Variants in NUDT21 observed in about 807,000 individuals in gnomAD.
NUDT21 encodes the protein cleavage and polyadenylation specificity factor subunit 5.
A neutral mutation model predicts 29.8 loss-of-function variants in NUDT21; 5 were observed. The observed-to-expected ratio is 0.17, with a 90% CI of 0.09 to 0.35. The LOEUF (loss-of-function observed/expected upper bound fraction) is 0.35. Among genes scored for constraint, NUDT21 ranks in the 10% least tolerant of loss-of-function variants. NUDT21 has a pLI of 1.00. For synonymous variants in NUDT21, 113 were observed against 98.5 expected, an observed-to-expected ratio of 1.15 and a Z score of -0.87; for missense variants, 76 against 276.0, an observed-to-expected ratio of 0.28 and a Z score of 5.13.
rs555757507 is a variant in NUDT21, at chr16:56,436,160, A to G, written c.472-1331T>C. On this transcript the variant is annotated intron_variant, in intron 4 of 6. Transcript: ENST00000300291. ...ACAATTCTTGTATAAATCTCTCCAC[A>G]ATACATTCAGAAATCTACTTTTGCT... 2.6e-5 allele frequency among the ~76,000 whole-genome samples: 4 copies of G among 152,086 alleles called. No homozygotes were observed. The South Asian group carries it at 8.3e-4, about 32-fold the overall frequency.
intron 4 of NUDT21, 29 bp downstream of exon 4, chr16:56,439,628 A>G (rs1962139348): frequency 7.0e-7 from 1 of 1,426,942 alleles, no homozygotes; most frequent in Non-Finnish European, 9.9e-7. Flanking sequence ...TGCTTCCAAA[A>G]TGCCCAGCAA....
chr16:56,433,370 G>C (rs1453878349), intron 6 of NUDT21, among the ~76,000 whole-genome samples: 1 of 152,172 alleles, frequency 6.6e-6, no homozygotes, highest in Non-Finnish European at 1.5e-5. Flanking sequence ...CAGTCAAATA[G>C]GTATAATAGT....
At chr16:56,441,476 A>T (rs1202324589) in intron 3 of NUDT21, among the ~76,000 whole-genome samples, 3 of 150,864 alleles carry the variant, frequency 2.0e-5, no homozygotes, top group Non-Finnish European at 4.4e-5. Flanking sequence ...CTTGTGATCC[A>T]CCTGCCTCGG....
chr16:56,432,800 A>T, intron 6 of NUDT21, 67 bp from the exon 7 acceptor site: 4 of 1,178,546 alleles, frequency 3.4e-6, no homozygotes, highest in Non-Finnish European at 4.9e-6. Context: ...TTAGATAAAT[A>T]AATTTATCTG....
At position 56,446,708 on chromosome 16, in the gene NUDT21, T is replaced by C. The variant is rs750348763; in HGVS notation, c.318-19A>G. The C allele has an allele frequency of 1.3e-6, 2 of 1,505,096 alleles. No homozygotes were observed. The highest frequency in any genetic ancestry group is 9.1e-7 in the Non-Finnish European group (1 of 1,099,070). 93.2% of individuals were successfully genotyped at this position (1,505,096 alleles called of 1,614,324 possible). On this transcript the variant is annotated intron_variant, in intron 2 of 6. Transcript: ENST00000300291. Reference sequence around the variant, plus strand: ...ACCAGGTCTGTATAAAAGTTAAGAATTTCAGCTTTCAACTTAATACAATTT... The same window carrying C: ...ACCAGGTCTGTATAAAAGTTAAGAACTTCAGCTTTCAACTTAATACAATTT...
rs749467694 is a variant in NUDT21 at position 56,430,526 on chromosome 16, A to G, written c.*2186T>C. 5 of 152,242 alleles carry G rather than the reference A, an allele frequency of 3.3e-5. No homozygotes were observed. Among genetic ancestry groups the G allele is most frequent in the Non-Finnish European group, 5.9e-5 (4 of 68,042 alleles). 9.4% of individuals were successfully genotyped at this position (152,242 alleles called of 1,614,324 possible). A position where few individuals can be genotyped will look rare whatever the true frequency, so the allele number is the denominator to read the frequency against. On this transcript the variant is annotated 3_prime_UTR_variant, in exon 7 of 7. Transcript: ENST00000300291. ...TTAATCAAGAGCCCATTTCAAAATG[A>G]TAAGAGCATTTAGTATGTAGATCTG...
intron 1 of NUDT21, among the ~76,000 whole-genome samples, chr16:56,450,236 G>A (rs1962272793): frequency 6.6e-6 from 1 of 152,138 alleles, no homozygotes; most frequent in African/African-American, 2.4e-5. Flanking sequence ...CCTCAGAAAC[G>A]ATTTTAAAAA....
intron 4 of NUDT21, among the ~76,000 whole-genome samples, chr16:56,435,743 T>TTATATATATATATGTA (rs1962092155): frequency 7.4e-5 from 2 of 27,070 alleles, no homozygotes; most frequent in African/African-American, 2.8e-4. Flanking sequence ...AAAAAAAAAA[T>TTATATATATATATGTA]TATATATATA....
In NUDT21 at chr16:56,431,811, A is replaced by G. The variant is rs1962037874; in HGVS notation, c.*901T>C. On this transcript the variant is annotated 3_prime_UTR_variant, in exon 7 of 7. Coordinates refer to ENST00000300291, the MANE Select transcript of NUDT21 (RefSeq NM_007006.3). Reference sequence around the variant, plus strand: ...TGCCCCCAGTTTTCGGTTGATTCACATTATTCCAAAAATATTTTTGAAGGC... The same window carrying G: ...TGCCCCCAGTTTTCGGTTGATTCACGTTATTCCAAAAATATTTTTGAAGGC... 1 of 152,174 alleles carries G rather than the reference A, an allele frequency of 6.6e-6. No individual in the cohort carries two copies. Among genetic ancestry groups the G allele is most frequent in the Non-Finnish European group, 1.5e-5 (1 of 68,020 alleles). The allele number at this position is 152,174 out of a possible 1,614,324, so 9.4% of individuals were successfully genotyped here.
chr16:56,440,907 T>A (rs1962152730), intron 3 of NUDT21, among the ~76,000 whole-genome samples: 1 of 150,992 alleles, frequency 6.6e-6, no homozygotes, highest in Admixed American at 6.6e-5. Context: ...CCCAGCTAAT[T>A]TTTTGTCTTT....
intron 2 of NUDT21, 101 bp downstream of exon 2, chr16:56,447,680 AGCAGTGTT>A: frequency 1.1e-6 from 1 of 881,446 alleles, no homozygotes; most frequent in Non-Finnish European, 1.8e-6. Flanking sequence ...CATCATTAAC[AGCAGTGTT>A]TGTTGAAATG....
Position 56,446,620 on chromosome 16 carries a change from A to T in NUDT21, c.381+6T>A. The T allele has an allele frequency of 6.3e-7, 1 of 1,580,550 alleles. No homozygotes were observed. The highest frequency in any genetic ancestry group is 1.1e-5 in the South Asian group (1 of 88,926). On this transcript the variant is annotated splice_donor_region_variant and intron_variant, in intron 3 of 6. Transcript: ENST00000300291. ...TGGTATTCAAAGTGGTTAAACAGAA[A>T]AATACCTCTGTCATTAAGCGTTTTA... is the stretch of plus-strand genomic sequence containing the variant.
At chr16:56,434,128 C>T (rs1186492146) in intron 6 of NUDT21, among the ~76,000 whole-genome samples, 1 of 152,166 alleles carries the variant, frequency 6.6e-6, no homozygotes, top group African/African-American at 2.4e-5. Flanking sequence ...GCACAAATAC[C>T]AGAATGTCAT....
rs1375953489 is a variant in NUDT21 at position 56,429,287 on chromosome 16, C to T, written c.*3425G>A. On this transcript the variant is annotated 3_prime_UTR_variant, in exon 7 of 7. Coordinates refer to ENST00000300291, the MANE Select transcript of NUDT21 (RefSeq NM_007006.3). ...CGTAATACCAGAAAAGTTCTCAAAA[C>T]CAAACTATAAATGATGCTTGAATAC... The T allele has an allele frequency of 6.6e-6, 1 of 152,162 alleles. No homozygotes were observed. The highest frequency in any genetic ancestry group is 6.5e-5 in the Admixed American group (1 of 15,284). 9.4% of individuals were successfully genotyped at this position (152,162 alleles called of 1,614,324 possible).
rs1962005714 is a variant in NUDT21, at chr16:56,429,315, T to C, written c.*3397A>G. ...AACTATAAATGATGCTTGAATACTA[T>C]GATGTGAACACAATAACCAAAAGTT... On this transcript the variant is annotated 3_prime_UTR_variant, in exon 7 of 7. Transcript: ENST00000300291. 6.6e-6 allele frequency: 1 copy of C among 152,226 alleles called. No individual in the cohort carries two copies. Among genetic ancestry groups the C allele is most frequent in the South Asian group, 2.1e-4 (1 of 4,834 alleles). 9.4% of individuals were successfully genotyped at this position (152,226 alleles called of 1,614,324 possible).
chr16:56,450,531 G>C (rs565133483), intron 1 of NUDT21, among the ~76,000 whole-genome samples: 5 of 152,142 alleles, frequency 3.3e-5, no homozygotes, highest in Admixed American at 6.5e-5. Flanking sequence ...ATAAGGCATG[G>C]GGCAGGGCAG....
Position 56,434,807 on chromosome 16 carries a change from A to G in NUDT21, c.494T>C (p.Ile165Thr), listed in dbSNP as rs767817333. 6 of 1,593,524 alleles carry G rather than the reference A, an allele frequency of 3.8e-6. No homozygotes were observed. The highest frequency in any genetic ancestry group is 8.6e-7 in the Non-Finnish European group (1 of 1,162,688). Residue 165 changes from isoleucine (I) to threonine (T), a missense_variant, in exon 5 of 7, where the codon ATT becomes ACT. Physicochemically the swap from Ile to Thr is moderately conservative, Grantham distance 89 (BLOSUM62 -1). Coordinates refer to ENST00000300291, the MANE Select transcript of NUDT21 (RefSeq NM_007006.3). ...PPQYPYIPAH[I>T]TKPKEHKKLF... ...CTTCTTATGTTCCTTAGGCTTTGTA[A>G]TATGTGCAGGAATATATGGATACTG...
intron 1 of NUDT21, among the ~76,000 whole-genome samples, chr16:56,448,883 T>C (rs1361104672): frequency 6.6e-6 from 1 of 152,190 alleles, no homozygotes; most frequent in African/African-American, 2.4e-5. Flanking sequence ...GTCAACATTA[T>C]TGTATCTACC....
Position 56,441,599 on chromosome 16 carries a change from A to C in NUDT21, c.382-1853T>G, listed in dbSNP as rs114210398. ...CCCTCTACTATGAATGAGAATTTAG[A>C]TATTAAAATCACACATCCTAGTTAC... On this transcript the variant is annotated intron_variant, in intron 3 of 6. Coordinates refer to ENST00000300291, the MANE Select transcript of NUDT21 (RefSeq NM_007006.3). 5.9e-3 allele frequency among the ~76,000 whole-genome samples: 895 copies of C among 152,360 alleles called. 8 individuals carry two copies. Among genetic ancestry groups the C allele is most frequent in the African/African-American group, 0.021 (853 of 41,578 alleles).
Sources: allele counts gnomAD v4.1 joint callset (sites outside exome capture counted in the v4.1 genomes callset), GRCh38; gene constraint gnomAD v4.1.1; transcripts MANE v1.5; gene names NCBI Gene and HGNC (gene_info 2026-07-23, HGNC 2026-07-21).